Variants in GRM7 observed in about 807,000 individuals in gnomAD.
GRM7 encodes glutamate metabotropic receptor 7, also known as metabotropic glutamate receptor 7.
In GRM7, 35 loss-of-function variants were observed where a neutral mutation model predicts 84.5. The observed-to-expected ratio is 0.41, with a 90% confidence interval of 0.32 to 0.55. GRM7 has a LOEUF of 0.55. Ranked by LOEUF, GRM7 falls within the 20% of genes least tolerant of loss-of-function variation. GRM7 has a pLI of 0.19. For synonymous variants in GRM7, 487 were observed against 455.1 expected (o/e 1.07, Z -0.89); for missense variants, 1,003 against 1,194.6 (o/e 0.84, Z 2.36).
intron 7 of GRM7, among the ~76,000 whole-genome samples, chr3:7,477,918 G>A (rs955428214): frequency 3.9e-5 from 6 of 152,236 alleles, no homozygotes; most frequent in East Asian, 1.9e-4. Flanking sequence ...TATAAGGACC[G>A]GTTATAAGTG....
intron 1 of GRM7, among the ~76,000 whole-genome samples, chr3:7,048,840 T>C (rs1696890415): frequency 6.6e-6 from 1 of 151,912 alleles, no homozygotes; most frequent in Non-Finnish European, 1.5e-5. Flanking sequence ...TGTCTAAAAT[T>C]TCATATTTTT....
intron 2 of GRM7, among the ~76,000 whole-genome samples, chr3:7,166,802 G>A (rs1694814779): frequency 2.0e-5 from 3 of 152,112 alleles, no homozygotes; most frequent in Admixed American, 6.6e-5. Context: ...CTGTAGCCTC[G>A]TCCCAGGATT....
chr3:7,619,149 G>C (rs1000417534), intron 8 of GRM7, among the ~76,000 whole-genome samples: 3 of 152,068 alleles, frequency 2.0e-5, no homozygotes, highest in Non-Finnish European at 4.4e-5. Flanking sequence ...TTGCAAATAT[G>C]TGTCACGAAA....
Position 7,680,303 on chromosome 3 carries a change from ACT to A in GRM7, c.2698+12_2698+13del, listed in dbSNP as rs755415467. 8.4e-5 allele frequency: 135 copies of A among 1,613,288 alleles called. No homozygotes were observed. Among genetic ancestry groups the A allele is most frequent in the Non-Finnish European group, 1.1e-4 (127 of 1,179,476 alleles). On this transcript the variant is annotated intron_variant, in intron 9 of 9. Coordinates refer to ENST00000357716, the MANE Select transcript of GRM7 (RefSeq NM_000844.4). The stretch of plus-strand genomic sequence containing the variant: ...AAAACGTAGACCCAAACAGTAAGTA[ACT>A]CTCCGTTTCTTTCATCTTCCCACCC...
chr3:7,738,402 A>T (rs78766544), intron 9 of GRM7, among the ~76,000 whole-genome samples: 7 of 152,200 alleles, frequency 4.6e-5, no homozygotes, highest in Non-Finnish European at 8.8e-5. Context: ...TCTCAAGGCC[A>T]CAGAGAACAC....
At chr3:6,966,095 G>T (rs896163230) in intron 1 of GRM7, among the ~76,000 whole-genome samples, 3 of 152,166 alleles carry the variant, frequency 2.0e-5, no homozygotes, top group Non-Finnish European at 4.4e-5. Context: ...AAATGCCCTT[G>T]GGGCTCTCTC....
intron 4 of GRM7, among the ~76,000 whole-genome samples, chr3:7,307,743 G>A (rs1700243862): frequency 1.3e-5 from 2 of 152,314 alleles, no homozygotes; most frequent in South Asian, 2.1e-4. Context: ...CAGATGGGTT[G>A]CAAGAATAAA....
chr3:7,566,793 C>T (rs962960306), intron 7 of GRM7, among the ~76,000 whole-genome samples: 3 of 151,946 alleles, frequency 2.0e-5, no homozygotes, highest in African/African-American at 7.3e-5. Context: ...TGTCCCGATT[C>T]TTCCAGGGGG....
chr3:7,667,154 A>C (rs1699734375), intron 8 of GRM7, among the ~76,000 whole-genome samples: 1 of 152,042 alleles, frequency 6.6e-6, no homozygotes, highest in South Asian at 2.1e-4. Context: ...CTGTAGTTGC[A>C]CTACTTGGGA....
At chr3:7,162,925 A>T (rs923802089) in intron 2 of GRM7, among the ~76,000 whole-genome samples, 7 of 151,190 alleles carry the variant, frequency 4.6e-5, no homozygotes, top group Non-Finnish European at 8.8e-5. Context: ...GTACCAGGCT[A>T]ATTTTTGTAT....
chr3:7,492,015 T>A (rs1699536877), intron 7 of GRM7, among the ~76,000 whole-genome samples: 1 of 150,236 alleles, frequency 6.7e-6, no homozygotes, highest in Admixed American at 6.7e-5. Flanking sequence ...ACTGCATTGA[T>A]TTATTTTTTA....
chr3:6,986,355 G>C (rs1489958352), intron 1 of GRM7, among the ~76,000 whole-genome samples: 1 of 152,092 alleles, frequency 6.6e-6, no homozygotes, highest in East Asian at 1.9e-4. Context: ...AATTAAATAT[G>C]TGCAGTGTTT....
rs190198406 is a variant in GRM7 at position 7,458,113 on chromosome 3, T to C, written c.1376-3470T>C. ...TAAATACGTTGATGCAGAAGACTGG[T>C]TTATTATCTGGGCTATCTGAATCTC... On this transcript the variant is annotated intron_variant, in intron 6 of 9. Transcript: ENST00000357716. 5.3e-5 allele frequency among the ~76,000 whole-genome samples: 8 copies of C among 152,250 alleles called. No homozygotes were observed. The East Asian group carries it at 1.5e-3, about 29-fold the overall frequency.
intron 1 of GRM7, among the ~76,000 whole-genome samples, chr3:7,006,506 C>T (rs991825692): frequency 6.6e-6 from 1 of 152,090 alleles, no homozygotes; most frequent in Non-Finnish European, 1.5e-5. Flanking sequence ...TCCTTTTTTA[C>T]TCTGGCTGCT....
chr3:7,101,320 TCATTTGGGTGTGTATTTGTATCA>T (rs1381386959), intron 1 of GRM7, among the ~76,000 whole-genome samples: 3 of 151,872 alleles, frequency 2.0e-5, no homozygotes, highest in East Asian at 3.9e-4. Flanking sequence ...TATTTATATC[TCATTTGGGTGTGTATTTGTATCA>T]CATTTTGGTT....
chr3:7,075,671 G>A (rs1698047684), intron 1 of GRM7, among the ~76,000 whole-genome samples: 1 of 151,894 alleles, frequency 6.6e-6, no homozygotes, highest in Non-Finnish European at 1.5e-5. Context: ...GATTACAGGT[G>A]CCCGCCACCA....
At chr3:7,117,463 C>G (rs569310865) in intron 1 of GRM7, among the ~76,000 whole-genome samples, 2 of 152,156 alleles carry the variant, frequency 1.3e-5, no homozygotes, top group Non-Finnish European at 2.9e-5. Context: ...ATCACTTAAG[C>G]GATCATCTTT....
Position 7,345,998 on chromosome 3 carries a change from C to A in GRM7, c.1033+39346C>A, listed in dbSNP as rs143535089. On this transcript the variant is annotated intron_variant, in intron 4 of 9. Transcript: ENST00000357716. ...CTATGAATCAAACTATATTTCTTTC[C>A]CCCAAATATACTGATTTCAGATTGC... 6.6e-4 allele frequency among the ~76,000 whole-genome samples: 100 copies of A among 152,102 alleles called. 1 individual carries two copies. The East Asian group carries it at 0.011, about 17-fold the overall frequency.
intron 9 of GRM7, among the ~76,000 whole-genome samples, chr3:7,720,952 T>C (rs894387269): frequency 6.6e-6 from 1 of 152,170 alleles, no homozygotes; most frequent in Admixed American, 6.5e-5. Flanking sequence ...AGATCTACTT[T>C]GGTAAAGTAG....
Sources: allele counts gnomAD v4.1 joint callset (sites outside exome capture counted in the v4.1 genomes callset), GRCh38; gene constraint gnomAD v4.1.1; transcripts MANE v1.5; gene names NCBI Gene and HGNC (gene_info 2026-07-23, HGNC 2026-07-21).